DHRSX: variants seen among roughly 807,000 people sequenced by gnomAD.
DHRSX encodes polyprenol dehydrogenase.
A neutral mutation model predicts 34.0 loss-of-function variants in DHRSX; 31 were observed. The ratio of observed to expected loss-of-function variants is 0.91; its 90% confidence interval spans 0.69 to 1.23. The LOEUF is 1.23. DHRSX is among the 50% of genes most tolerant of loss of function. The probability of loss-of-function intolerance (pLI) is 0.00; values close to 1 mark genes in which losing one functional copy is unlikely to be tolerated. For synonymous variants in DHRSX, 201 were observed against 183.8 expected (o/e 1.09, Z -0.76); for missense variants, 414 against 428.1 (o/e 0.97, Z 0.29).
At chrX:2,377,914 AT>A (rs2043160799) in intron 3 of DHRSX, among the ~76,000 whole-genome samples, 1 of 151,884 alleles carries the variant, frequency 6.6e-6, no homozygotes, top group Non-Finnish European at 1.5e-5. Flanking sequence ...AATTTTTTGT[AT>A]GTTTAGTAGA....
chrX:2,345,351 CAA>C (rs2042691906), intron 3 of DHRSX, among the ~76,000 whole-genome samples: 1 of 151,708 alleles, frequency 6.6e-6, no homozygotes, highest in Non-Finnish European at 1.5e-5. Context: ...CATAATAGAA[CAA>C]AAGACTGGGC....
chrX:2,485,523 GAGGA>G (rs1298079255), intron 1 of DHRSX, among the ~76,000 whole-genome samples: 1 of 142,306 alleles, frequency 7.0e-6, no homozygotes, highest in Non-Finnish European at 1.5e-5. Flanking sequence ...GAAAACGAAA[GAGGA>G]AGGGAGGGAG....
In DHRSX at chrX:2,405,919, A is replaced by ACG. The variant is rs1381422833; in HGVS notation, c.286+2825_286+2826insCG. Among the ~76,000 whole-genome samples, 302 of 78,452 alleles carry ACG rather than the reference A, an allele frequency of 3.8e-3. 1 individual carries two copies. The highest frequency in any genetic ancestry group is 4.2e-3 in the Non-Finnish European group (167 of 39,658). The allele number at this position is 78,452 out of a possible 152,430, so 51.5% of individuals were successfully genotyped here. On this transcript the variant is annotated intron_variant, in intron 3 of 6. Transcript: ENST00000334651. ...ATGTGCATTTAAAAAAAAAAAAAAA[A>ACG]TAAGGTACCACACATAAACATGGCC... is the stretch of plus-strand genomic sequence containing the variant.
chrX:2,485,577 A>C (rs1035529123), intron 1 of DHRSX, among the ~76,000 whole-genome samples: 2 of 113,162 alleles, frequency 1.8e-5, no homozygotes, highest in Non-Finnish European at 3.3e-5. Context: ...GGAGGAAAGG[A>C]AGGAAGGAGG....
intron 3 of DHRSX, among the ~76,000 whole-genome samples, chrX:2,316,040 T>C (rs1418803345): frequency 1.3e-5 from 2 of 152,116 alleles, no homozygotes; most frequent in Non-Finnish European, 2.9e-5. Context: ...TTTTGTCTTT[T>C]TAGTAGAGAC....
At chrX:2,362,274 G>A (rs1268378552) in intron 3 of DHRSX, among the ~76,000 whole-genome samples, 3 of 152,100 alleles carry the variant, frequency 2.0e-5, no homozygotes. Flanking sequence ...GGCTCCCAGG[G>A]AAAGACCCAT....
At chrX:2,420,795 A>G (rs2043770138) in intron 2 of DHRSX, among the ~76,000 whole-genome samples, 1 of 152,026 alleles carries the variant, frequency 6.6e-6, no homozygotes, top group Non-Finnish European at 1.5e-5. Flanking sequence ...GGAGTTAGGC[A>G]CAACTTTGAG....
At chrX:2,263,827 A>G (rs1194065218) in intron 5 of DHRSX, among the ~76,000 whole-genome samples, 1 of 152,154 alleles carries the variant, frequency 6.6e-6, no homozygotes, top group Middle Eastern at 3.2e-3. Context: ...ATTTTTTCTT[A>G]TATCAGCTTA....
intron 1 of DHRSX, among the ~76,000 whole-genome samples, chrX:2,452,160 C>T (rs1198549366): frequency 6.6e-6 from 1 of 151,938 alleles, no homozygotes; most frequent in African/African-American, 2.4e-5. Context: ...GAAGACATTC[C>T]CTAAGAATGT....
chrX:2,256,175 A>T (rs985953825), intron 5 of DHRSX, among the ~76,000 whole-genome samples: 82 of 150,588 alleles, frequency 5.4e-4, no homozygotes, highest in Non-Finnish European at 1.2e-4. Context: ...TTTATATTTT[A>T]GTAGAGACGG....
At chrX:2,221,533 T>A (rs1186722376) in intron 6 of DHRSX, among the ~76,000 whole-genome samples, 1 of 152,164 alleles carries the variant, frequency 6.6e-6, no homozygotes, top group East Asian at 1.9e-4. Context: ...CACGCACTCT[T>A]TATGGGACCG....
At chrX:2,469,131 T>C (rs1470197250) in intron 1 of DHRSX, among the ~76,000 whole-genome samples, 1 of 151,580 alleles carries the variant, frequency 6.6e-6, no homozygotes, top group Non-Finnish European at 1.5e-5. Flanking sequence ...TCCCTAACAA[T>C]GCGCCCAAGG....
chrX:2,467,201 C>T (rs1055349379), intron 1 of DHRSX, among the ~76,000 whole-genome samples: 28 of 152,134 alleles, frequency 1.8e-4, no homozygotes, highest in South Asian at 4.2e-4. Context: ...GACTTCACGA[C>T]GCCAACTTGA....
chrX:2,291,560 C>A lies in DHRSX; in HGVS notation c.330G>T (p.Arg110=). The A allele has an allele frequency of 6.2e-7, 1 of 1,613,896 alleles. No homozygotes were observed. The highest frequency in any genetic ancestry group is 1.7e-4 in the Middle Eastern group (1 of 6,056). ...TCATCTTGAACTTCTGCACAAACTG[C>A]CGGATGGAAGTCATGGAAGCCAAGT... ...YCDLASMTSI[R]QFVQKFKMKK... The change falls in exon 4 of 7, where the codon CGG becomes CGT. Residue 110 remains arginine, a synonymous_variant. Transcript: ENST00000334651.
At chrX:2,434,572 G>A (rs2043970120) in intron 1 of DHRSX, among the ~76,000 whole-genome samples, 1 of 152,204 alleles carries the variant, frequency 6.6e-6, no homozygotes, top group Non-Finnish European at 1.5e-5. Context: ...CCTGGAGGCT[G>A]AAATGGGAGG....
intron 3 of DHRSX, among the ~76,000 whole-genome samples, chrX:2,297,762 G>GA (rs2041951673): frequency 6.9e-6 from 1 of 144,722 alleles, no homozygotes. Context: ...GTCTTTTTGA[G>GA]TTTTTTTTTT....
intron 4 of DHRSX, among the ~76,000 whole-genome samples, chrX:2,283,741 A>ATTCATTCATTCATTTGAT (rs2041763379): frequency 6.6e-6 from 1 of 152,190 alleles, no homozygotes; most frequent in Non-Finnish European, 1.5e-5. Flanking sequence ...ACTCATTAGA[A>ATTCATTCATTCATTTGAT]TTCATTCATT....
intron 1 of DHRSX, among the ~76,000 whole-genome samples, chrX:2,445,257 G>A (rs1009197484): frequency 9.9e-5 from 15 of 152,150 alleles, no homozygotes; most frequent in African/African-American, 3.4e-4. Context: ...CGAAAAAGTT[G>A]CATGTCAGAA....
intron 3 of DHRSX, among the ~76,000 whole-genome samples, chrX:2,404,223 C>T (rs939551070): frequency 1.3e-5 from 2 of 151,956 alleles, no homozygotes; most frequent in African/African-American, 4.8e-5. Context: ...CCCCAGAGGC[C>T]CCGATTCACA....
Sources: gnomAD v4.1 joint callset for allele counts (sites outside exome capture counted in the v4.1 genomes callset) on GRCh38, gnomAD v4.1.1 for gene constraint, MANE v1.5 for transcripts, NCBI Gene and HGNC (gene_info 2026-07-23, HGNC 2026-07-21) for gene names.